PRSS23: variants seen among roughly 807,000 people sequenced by gnomAD.
PRSS23 encodes the protein protease, serine 23.
Under a neutral mutation model 34.7 loss-of-function variants are expected in PRSS23, and 25 were observed. That is an observed-to-expected ratio of 0.72 (90% CI 0.53 to 1.01). The LOEUF is 1.01. Among genes scored for constraint, PRSS23 ranks in the 50% least tolerant of loss-of-function variants. The pLI is 0.00. For synonymous variants in PRSS23, 176 were observed against 186.6 expected, an observed-to-expected ratio of 0.94 and a Z score of 0.46; for missense variants, 445 against 475.6, an observed-to-expected ratio of 0.94 and a Z score of 0.60.
intron 2 of PRSS23, among the ~76,000 whole-genome samples, chr11:86,906,375 A>C (rs1379707381): frequency 1.0e-5 from 1 of 97,026 alleles, no homozygotes; most frequent in Non-Finnish European, 2.7e-5. Flanking sequence ...TTCGCCCAGG[A>C]TCCCCCTGAG....
At chr11:86,797,071 C>T (rs1322923941), upstream of PRSS23, among the ~76,000 whole-genome samples, 1 of 152,238 alleles carries the variant, frequency 6.6e-6, no homozygotes, top group Non-Finnish European at 1.5e-5. Flanking sequence ...CCCAAATAAC[C>T]TTACACAGAG....
intron 2 of PRSS23, among the ~76,000 whole-genome samples, chr11:86,866,786 C>T (rs539105451): frequency 5.3e-5 from 8 of 152,140 alleles, no homozygotes; most frequent in South Asian, 2.1e-4. Context: ...TACTAGTTCC[C>T]ATGAGAGCTG....
chr11:86,837,047 G>C (rs967226766), intron 2 of PRSS23: 12 of 152,210 alleles, frequency 7.9e-5, no homozygotes, highest in African/African-American at 2.9e-4. Context: ...ACCTGCCTTA[G>C]AGACACTAGA....
intron 1 of PRSS23, among the ~76,000 whole-genome samples, chr11:86,803,233 G>T (rs1219104156): frequency 1.3e-5 from 2 of 152,178 alleles, no homozygotes; most frequent in Non-Finnish European, 2.9e-5. Context: ...GGTGAGATTT[G>T]AAAATCTTCA....
Position 86,823,592 on chromosome 11 carries a change from A to T in PRSS23, c.205A>T (p.Arg69Ter), listed in dbSNP as rs1163033603. Residue 69 changes from arginine to a stop codon, truncating the protein, a stop_gained and splice_region_variant, in exon 2 of 3, where the codon AGA becomes TGA. Transcript: ENST00000533902. LOFTEE classifies it high-confidence loss of function. ...CATGGAGTTCACAGAAGAGTCGAGG[A>T]GGTAAGTTCATATCAGATTATCACA... 2.0e-5 allele frequency: 14 copies of T among 702,494 alleles called. No individual in the cohort carries two copies. In the Admixed American group the frequency reaches 2.8e-4, roughly 14 times the overall value. 43.5% of individuals were successfully genotyped at this position (702,494 alleles called of 1,614,324 possible). A position where few individuals can be genotyped will look rare whatever the true frequency, so the allele number is the denominator to read the frequency against.
chr11:86,902,522 T>C (rs956941049), intron 2 of PRSS23, among the ~76,000 whole-genome samples: 2 of 152,184 alleles, frequency 1.3e-5, no homozygotes, highest in African/African-American at 4.8e-5. Flanking sequence ...TAAAGAGAGA[T>C]GCCCTAGAAA....
chr11:86,799,968 G>A (rs1043625125), upstream of PRSS23, among the ~76,000 whole-genome samples: 2 of 152,208 alleles, frequency 1.3e-5, no homozygotes, highest in African/African-American at 2.4e-5. Context: ...GAGAAACTAG[G>A]AGTTCGGTCA....
rs1243648397 is a variant in PRSS23, at chr11:86,810,060, T to C, written c.*1265T>C. The C allele has an allele frequency of 6.0e-6, 1 of 166,452 alleles. No homozygotes were observed. The highest frequency in any genetic ancestry group is 6.5e-5 in the Admixed American group (1 of 15,280). 10.3% of individuals were successfully genotyped at this position (166,452 alleles called of 1,614,324 possible). On this transcript the variant is annotated 3_prime_UTR_variant, in exon 2 of 2. Coordinates refer to ENST00000280258, the MANE Select transcript of PRSS23 (RefSeq NM_007173.6). The stretch of plus-strand genomic sequence containing the variant: ...TTAGGTATAATAGCAAAAATGAAAA[T>C]TGGAAGAATGCAAAATGGATCAGAA...
intron 2 of PRSS23, among the ~76,000 whole-genome samples, chr11:86,903,645 G>T (rs1489073028): frequency 6.6e-6 from 1 of 151,846 alleles, no homozygotes; most frequent in Non-Finnish European, 1.5e-5. Flanking sequence ...ACCACTCCTG[G>T]CTAATTTTTT....
intron 2 of PRSS23, among the ~76,000 whole-genome samples, chr11:86,938,502 A>T (rs1565392406): frequency 6.6e-6 from 1 of 152,198 alleles, no homozygotes; most frequent in Non-Finnish European, 1.5e-5. Context: ...GCCTGAGAAC[A>T]GGAGGAGCTG....
At chr11:86,804,945 G>A (rs111233863) in intron 1 of PRSS23, among the ~76,000 whole-genome samples, 13 of 152,108 alleles carry the variant, frequency 8.5e-5, no homozygotes, top group Non-Finnish European at 1.6e-4. Context: ...CCCAAGAATC[G>A]TATTTTAAAA....
intron 2 of PRSS23, among the ~76,000 whole-genome samples, chr11:86,879,466 G>A (rs924506271): frequency 5.5e-5 from 8 of 144,864 alleles, no homozygotes; most frequent in Non-Finnish European, 9.1e-5. Context: ...GTCAGCCCCC[G>A]CCAGGCCAGC....
chr11:86,808,192 T>A lies in PRSS23; in HGVS notation c.549T>A (p.Tyr183Ter), dbSNP rs763308817. 6.2e-7 allele frequency: 1 copy of A among 1,614,062 alleles called. No homozygotes were observed. Among genetic ancestry groups the A allele is most frequent in the Non-Finnish European group, 8.5e-7 (1 of 1,180,010 alleles). The change falls in exon 2 of 2, where the codon TAT becomes TAA. Residue 183 changes from tyrosine (Y) to a stop codon, truncating the protein, a stop_gained. Coordinates refer to ENST00000280258, the MANE Select transcript of PRSS23 (RefSeq NM_007173.6). LOFTEE classifies it high-confidence loss of function. Reference protein sequence around the residue: ...AAHCIHDGKTYVKGTQKLRVG... With the variant: ...AAHCIHDGKT ...ACTGCATACACGATGGAAAAACCTA[T>A]GTGAAAGGAACCCAGAAGCTTCGAG... is the stretch of plus-strand genomic sequence containing the variant.
chr11:86,835,893 G>T (rs1265135140), intron 2 of PRSS23, among the ~76,000 whole-genome samples: 1 of 152,192 alleles, frequency 6.6e-6, no homozygotes, highest in African/African-American at 2.4e-5. Flanking sequence ...GGACAAGAGT[G>T]TCCAGGTATG....
chr11:86,943,476 T>TA (rs759073267), intron 2 of PRSS23, among the ~76,000 whole-genome samples: 1 of 151,798 alleles, frequency 6.6e-6, no homozygotes, highest in Non-Finnish European at 1.5e-5. Context: ...ATACAAAAAT[T>TA]AGTCAGGCAT....
intron 2 of PRSS23, among the ~76,000 whole-genome samples, chr11:86,878,545 G>A (rs901500378): frequency 6.6e-6 from 1 of 152,194 alleles, no homozygotes; most frequent in Non-Finnish European, 1.5e-5. Context: ...GATTGCAGAC[G>A]GAGTCTGGTT....
rs374777451 is a variant in PRSS23, at chr11:86,842,025, A to G, written c.206+18432A>G. Among the ~76,000 whole-genome samples the G allele has an allele frequency of 2.6e-4, 39 of 152,246 alleles. 1 individual carries two copies. Among genetic ancestry groups the G allele is most frequent in the Admixed American group, 1.8e-3 (27 of 15,284 alleles). On this transcript the variant is annotated intron_variant, in intron 2 of 2. Transcript: ENST00000533902. Reference sequence around the variant, plus strand: ...TATTTCTAACGAACATCAATGAGAAAATCCTCAGTAAGATACTGGCAAACA... The same window carrying G: ...TATTTCTAACGAACATCAATGAGAAGATCCTCAGTAAGATACTGGCAAACA...
rs367624908 is a variant in PRSS23, at chr11:86,880,492, C to CT, written c.206+56907dup. 4.9e-3 allele frequency among the ~76,000 whole-genome samples: 742 copies of CT among 152,014 alleles called. 7 individuals are homozygous for CT. The highest frequency in any genetic ancestry group is 0.017 in the African/African-American group (704 of 41,448). Reference sequence around the variant, plus strand: ...ATAAGCCAAAAAAAAATACACTTGACTTTTTTTTAACTTTAAGTTCCTGGA... The same window carrying CT: ...ATAAGCCAAAAAAAAATACACTTGACTTTTTTTTTAACTTTAAGTTCCTGGA... On this transcript the variant is annotated intron_variant, in intron 2 of 2. Coordinates refer to the PRSS23 transcript ENST00000533902.
intron 2 of PRSS23, among the ~76,000 whole-genome samples, chr11:86,914,822 A>G (rs1312095234): frequency 6.6e-6 from 1 of 152,248 alleles, no homozygotes; most frequent in Non-Finnish European, 1.5e-5. Context: ...GAGAGTTTTA[A>G]GCCTTATACA....
Sources: allele counts gnomAD v4.1 joint callset (sites outside exome capture counted in the v4.1 genomes callset), GRCh38; gene constraint gnomAD v4.1.1; transcripts MANE v1.5; gene names NCBI Gene and HGNC (gene_info 2026-07-23, HGNC 2026-07-21).